The following CHL1 variants were observed in gnomAD, a reference collection of about 807,000 sequenced individuals.
CHL1 encodes the protein neural cell adhesion molecule L1-like protein.
CHL1 carries 96 observed loss-of-function variants against 141.9 expected under a neutral mutation model. The ratio of observed to expected loss-of-function variants is 0.68; its 90% CI spans 0.57 to 0.80. The LOEUF is 0.80. Among genes scored for constraint, CHL1 ranks in the 30% least tolerant of loss-of-function variants. The pLI is 0.00. For missense variants in CHL1, 1,820 were observed against 1,457.2 expected (o/e 1.25, Z -4.05); for synonymous variants, 613 against 502.2 (o/e 1.22, Z -2.95).
chr3:266,630 G>C (rs766569795), intron 2 of CHL1, among the ~76,000 whole-genome samples: 1 of 152,094 alleles, frequency 6.6e-6, no homozygotes, highest in Non-Finnish European at 1.5e-5. Flanking sequence ...GTGATTGTGT[G>C]GTTTTCCTGC....
rs539797313 is a variant in CHL1, at chr3:270,043, A to G, written c.-95+25351A>G. On this transcript the variant is annotated intron_variant, in intron 2 of 27. Coordinates refer to ENST00000256509, the MANE Select transcript of CHL1 (RefSeq NM_006614.4). ...AGAGATGTGATAATTCCAAGGTGCT[A>G]AAGAGGAAGGGGGAATCAAAAAAGA... Among the ~76,000 whole-genome samples the G allele has an allele frequency of 7.7e-4, 117 of 152,288 alleles. 3 individuals are homozygous for G. The South Asian group carries it at 0.02, about 26-fold the overall frequency.
intron 5 of CHL1, among the ~76,000 whole-genome samples, chr3:331,352 C>T (rs764154541): frequency 6.6e-6 from 1 of 152,234 alleles, no homozygotes; most frequent in Non-Finnish European, 1.5e-5. Flanking sequence ...CCCATCTCAG[C>T]CTTCTGAGTA....
chr3:361,600 T>C, intron 12 of CHL1, 99 bp from the exon 13 acceptor site: 1 of 751,122 alleles, frequency 1.3e-6, no homozygotes, highest in East Asian at 2.5e-5. Context: ...ATTCTGCTGT[T>C]TTCTGTTTGT....
chr3:324,646 T>C (rs1458541067), intron 3 of CHL1, among the ~76,000 whole-genome samples: 2 of 150,572 alleles, frequency 1.3e-5, no homozygotes, highest in East Asian at 1.9e-4. Flanking sequence ...TATTTATTTA[T>C]TTTTACTTTT....
intron 1 of CHL1, among the ~76,000 whole-genome samples, chr3:225,704 G>A (rs1018859969): frequency 2.0e-5 from 3 of 152,014 alleles, no homozygotes; most frequent in Non-Finnish European, 2.9e-5. Context: ...AAAATCAAGC[G>A]AGGAACAGTT....
intron 10 of CHL1, among the ~76,000 whole-genome samples, chr3:352,157 A>G (rs1269900477): frequency 1.3e-5 from 2 of 152,194 alleles, no homozygotes; most frequent in Non-Finnish European, 1.5e-5. Flanking sequence ...ATAAAATCAA[A>G]TGCAACTCAG....
In CHL1 at chr3:292,603, G is replaced by C. The variant is rs115304297; in HGVS notation, c.-94-27080G>C. Among the ~76,000 whole-genome samples, 1,190 of 152,246 alleles carry C rather than the reference G, an allele frequency of 7.8e-3. 16 individuals are homozygous for C. The highest frequency in any genetic ancestry group is 0.027 in the African/African-American group (1,130 of 41,528). On this transcript the variant is annotated intron_variant, in intron 2 of 27. Coordinates refer to ENST00000256509, the MANE Select transcript of CHL1 (RefSeq NM_006614.4). Reference sequence around the variant, plus strand: ...AAGTGTGTTGAGCTGTTCTTGTATTGCTATAAAGGAATACCCGAGACTTAG... The same window carrying C: ...AAGTGTGTTGAGCTGTTCTTGTATTCCTATAAAGGAATACCCGAGACTTAG...
intron 5 of CHL1, among the ~76,000 whole-genome samples, chr3:338,938 G>A (rs1702148713): frequency 6.6e-6 from 1 of 151,986 alleles, no homozygotes; most frequent in Admixed American, 6.5e-5. Flanking sequence ...CTCCAATTAG[G>A]GATTTATACA....
At chr3:343,978 A>C (rs1702556058) in intron 8 of CHL1, among the ~76,000 whole-genome samples, 1 of 152,202 alleles carries the variant, frequency 6.6e-6, no homozygotes, top group Non-Finnish European at 1.5e-5. Context: ...GTATTTGAAA[A>C]ATATTCTTAA....
chr3:263,460 T>G (rs1056363465), intron 2 of CHL1, among the ~76,000 whole-genome samples: 2 of 152,242 alleles, frequency 1.3e-5, no homozygotes, highest in African/African-American at 4.8e-5. Flanking sequence ...TTGTCATGTT[T>G]TCTTTTAAGA....
At chr3:396,097 A>G (rs1459480056) in intron 24 of CHL1, among the ~76,000 whole-genome samples, 1 of 152,216 alleles carries the variant, frequency 6.6e-6, no homozygotes, top group Non-Finnish European at 1.5e-5. Context: ...GGAAAATTGT[A>G]TAATCCAAAT....
At chr3:297,004 A>C (rs924706698) in intron 2 of CHL1, among the ~76,000 whole-genome samples, 3 of 152,124 alleles carry the variant, frequency 2.0e-5, no homozygotes, top group Non-Finnish European at 4.4e-5. Flanking sequence ...GAGAGGACAG[A>C]TAGGAGAGGT....
At chr3:238,929 TA>T (rs920738043) in intron 1 of CHL1, among the ~76,000 whole-genome samples, 2 of 149,854 alleles carry the variant, frequency 1.3e-5, no homozygotes, top group African/African-American at 4.9e-5. Context: ...GCAAGACTTC[TA>T]AAACAACAAA....
chr3:357,730 A>G (rs913994246), intron 11 of CHL1, among the ~76,000 whole-genome samples: 6 of 152,356 alleles, frequency 3.9e-5, no homozygotes, highest in African/African-American at 9.6e-5. Flanking sequence ...AACAATTTCC[A>G]TACCCATGCC....
Position 408,693 on chromosome 3 carries a change from T to C in CHL1, c.*2982T>C, listed in dbSNP as rs570957516. 3 of 152,242 alleles carry C rather than the reference T, an allele frequency of 2.0e-5. No homozygotes were observed. The highest frequency in any genetic ancestry group is 4.1e-4 in the South Asian group (2 of 4,824). 9.4% of individuals were successfully genotyped at this position (152,242 alleles called of 1,614,324 possible). ...ATCTACATAAAATAAATCTACTGTTTAGTGAGCAGTATGATTTGTACATGC... is the reference window on the plus strand; with the variant it reads ...ATCTACATAAAATAAATCTACTGTTCAGTGAGCAGTATGATTTGTACATGC... On this transcript the variant is annotated 3_prime_UTR_variant, in exon 28 of 28. Coordinates refer to ENST00000256509, the MANE Select transcript of CHL1 (RefSeq NM_006614.4).
At chr3:338,658 G>A (rs2060311) in intron 5 of CHL1, among the ~76,000 whole-genome samples, 88,950 of 152,086 alleles carry the variant, frequency 0.58, 28,078 homozygotes, top group Non-Finnish European at 0.7. Context: ...TGATGTATAA[G>A]TATGCGTCCC....
At chr3:217,942 G>C (rs1451200610) in intron 1 of CHL1, among the ~76,000 whole-genome samples, 1 of 152,176 alleles carries the variant, frequency 6.6e-6, no homozygotes, top group Non-Finnish European at 1.5e-5. Context: ...GCTTAGGCTT[G>C]AATGAGGATG....
intron 2 of CHL1, among the ~76,000 whole-genome samples, chr3:299,318 T>C (rs976930626): frequency 2.4e-4 from 36 of 152,094 alleles, no homozygotes; most frequent in Non-Finnish European, 4.9e-4. Flanking sequence ...ACTGGGTAAA[T>C]AACAAGATGA....
chr3:405,044 T>A (rs1384778456), intron 27 of CHL1, among the ~76,000 whole-genome samples: 3 of 152,140 alleles, frequency 2.0e-5, no homozygotes, highest in African/African-American at 7.2e-5. Context: ...CTAAGGGCAC[T>A]AATATCATTC....
Sources: gnomAD v4.1 joint callset for allele counts (sites outside exome capture counted in the v4.1 genomes callset) on GRCh38, gnomAD v4.1.1 for gene constraint, MANE v1.5 for transcripts, NCBI Gene and HGNC (gene_info 2026-07-23, HGNC 2026-07-21) for gene names.